The following CEP128 variants were observed in gnomAD, a reference collection of about 807,000 sequenced individuals.
The protein encoded by CEP128 is centrosomal protein 128kDa.
Under a neutral mutation model 156.7 loss-of-function variants are expected in CEP128, and 132 were observed. The ratio of observed to expected loss-of-function variants is 0.84; its 90% CI spans 0.73 to 0.97. The LOEUF (loss-of-function observed/expected upper bound fraction) is 0.97. Ranked by LOEUF, CEP128 falls within the 50% of genes least tolerant of loss-of-function variation. The pLI, the probability that CEP128 is intolerant of heterozygous loss-of-function variation, is 0.00. For synonymous variants in CEP128, 469 were observed against 448.9 expected (o/e 1.04, Z -0.57); for missense variants, 1,252 against 1,281.9 (o/e 0.98, Z 0.36).
intron 19 of CEP128, among the ~76,000 whole-genome samples, chr14:80,741,782 T>G: frequency 6.6e-6 from 1 of 152,300 alleles, no homozygotes; most frequent in East Asian, 1.9e-4. Flanking sequence ...TATTAACAAT[T>G]AACTTTGATG....
intron 19 of CEP128, among the ~76,000 whole-genome samples, chr14:80,626,073 G>A (rs1362517403): frequency 6.6e-6 from 1 of 152,138 alleles, no homozygotes; most frequent in Non-Finnish European, 1.5e-5. Context: ...AACTTTACAA[G>A]GCAAAAGAGA....
intron 19 of CEP128, among the ~76,000 whole-genome samples, chr14:80,700,092 G>GC (rs1897022261): frequency 6.6e-6 from 1 of 152,068 alleles, no homozygotes; most frequent in Non-Finnish European, 1.5e-5. Flanking sequence ...GGTATACGTG[G>GC]CTTTATCATT....
At chr14:80,946,394 T>TCA (rs1446132655), upstream of CEP128, among the ~76,000 whole-genome samples, 5 of 125,168 alleles carry the variant, frequency 4.0e-5, no homozygotes, top group African/African-American at 1.9e-4. Flanking sequence ...CTCATGATGA[T>TCA]TTCCCTTTTG....
upstream of CEP128, chr14:80,945,715 A>T (rs950680250): frequency 6.6e-6 from 1 of 152,264 alleles, no homozygotes; most frequent in African/African-American, 2.4e-5. Context: ...TGAGGCCGCC[A>T]TAGAGAGGTG....
chr14:80,769,493 G>T (rs1900409214), intron 16 of CEP128, among the ~76,000 whole-genome samples: 1 of 151,890 alleles, frequency 6.6e-6, no homozygotes, highest in Non-Finnish European at 1.5e-5. Context: ...ACCTATGAGT[G>T]AGAACATGCG....
chr14:80,582,846 G>A (rs1474842643), intron 19 of CEP128, among the ~76,000 whole-genome samples: 1 of 152,084 alleles, frequency 6.6e-6, no homozygotes, highest in Non-Finnish European at 1.5e-5. Context: ...TGGATATTAG[G>A]AGGTTCTCAG....
chr14:80,676,273 C>T (rs1302371240), intron 19 of CEP128, among the ~76,000 whole-genome samples: 2 of 151,988 alleles, frequency 1.3e-5, no homozygotes, highest in Non-Finnish European at 2.9e-5. Flanking sequence ...CATTACACAT[C>T]TTTTGGTAAA....
At chr14:80,828,215 C>A (rs1279983150) in intron 13 of CEP128, among the ~76,000 whole-genome samples, 3 of 151,400 alleles carry the variant, frequency 2.0e-5, no homozygotes, top group Non-Finnish European at 4.4e-5. Flanking sequence ...CCTCCGCCCC[C>A]AGGTTCAAGC....
chr14:80,483,010 C>T (rs186242161), intron 14 of CEP128, among the ~76,000 whole-genome samples: 2 of 152,154 alleles, frequency 1.3e-5, no homozygotes, highest in East Asian at 1.9e-4. Context: ...ATTGGCAGGT[C>T]GAGAAAGCTC....
chr14:80,485,716 A>G (rs1329087887), downstream of CEP128, among the ~76,000 whole-genome samples: 1 of 152,228 alleles, frequency 6.6e-6, no homozygotes, highest in African/African-American at 2.4e-5. Flanking sequence ...GAATGAATAA[A>G]TGGATAGATG....
At chr14:80,656,277 ATTTATATATATATT>A (rs549026848) in intron 19 of CEP128, among the ~76,000 whole-genome samples, 1,054 of 32,978 alleles carry the variant, frequency 0.032, 178 homozygotes, top group African/African-American at 0.035. Context: ...CTAAGTTTTT[ATTTATATATATATT>A]TATATATATA....
rs533949099 is a variant in CEP128 at position 80,814,528 on chromosome 14, A to T, written c.1209+16615T>A. Among the ~76,000 whole-genome samples the T allele has an allele frequency of 1.2e-4, 19 of 152,292 alleles. 2 individuals are homozygous for T. Among genetic ancestry groups the T allele is most frequent in the Admixed American group, 7.2e-4 (11 of 15,302 alleles). ...AAAAAAAGAAAAAATAATGTATTGTATCTGGAAACTGTCCTAAGGGCCAGG... is the reference window on the plus strand; with the variant it reads ...AAAAAAAGAAAAAATAATGTATTGTTTCTGGAAACTGTCCTAAGGGCCAGG... On this transcript the variant is annotated intron_variant, in intron 13 of 24. Transcript: ENST00000555265.
intron 18 of CEP128, among the ~76,000 whole-genome samples, chr14:80,744,487 T>C (rs906958175): frequency 6.6e-6 from 1 of 151,502 alleles, no homozygotes; most frequent in African/African-American, 2.5e-5. Context: ...GTGCTAAAAA[T>C]ATTGTTTTTA....
chr14:80,690,810 T>A (rs527693998), intron 19 of CEP128, among the ~76,000 whole-genome samples: 12 of 152,174 alleles, frequency 7.9e-5, no homozygotes, highest in Non-Finnish European at 1.5e-4. Context: ...TCATTATATA[T>A]GAAAAATCCT....
chr14:80,497,691 T>A, intron 24 of CEP128, 109 bp from the exon 25 acceptor site: 2 of 694,156 alleles, frequency 2.9e-6, no homozygotes, highest in Non-Finnish European at 4.9e-6. Context: ...TGATCGAGTT[T>A]TCTATAATTA....
Position 80,674,825 on chromosome 14 carries a change from A to G in CEP128, c.2806+68250T>C, listed in dbSNP as rs150763766. Among the ~76,000 whole-genome samples the G allele has an allele frequency of 3.4e-3, 515 of 152,212 alleles. 1 individual carries two copies. The highest frequency in any genetic ancestry group is 0.012 in the African/African-American group (493 of 41,572). ...GTTACAAATGGCTTAACCACTAGAG[A>G]TCTTAATTCATATTTTTCTCTATAA... On this transcript the variant is annotated intron_variant, in intron 19 of 24. Transcript: ENST00000555265.
At chr14:80,821,694 G>T (rs1885194365) in intron 13 of CEP128, among the ~76,000 whole-genome samples, 1 of 148,546 alleles carries the variant, frequency 6.7e-6, no homozygotes, top group African/African-American at 2.5e-5. Flanking sequence ...TTTTTTTTAA[G>T]AGATGAAGTC....
At chr14:80,566,875 T>G (rs1595015948) in intron 20 of CEP128, among the ~76,000 whole-genome samples, 1 of 149,992 alleles carries the variant, frequency 6.7e-6, no homozygotes, top group African/African-American at 2.5e-5. Context: ...CAGCGAGGCT[T>G]AAAGATTTTG....
rs75121785 is a variant in CEP128 at position 80,669,381 on chromosome 14, C to A, written c.2806+73694G>T. 7.6e-3 allele frequency among the ~76,000 whole-genome samples: 1,151 copies of A among 151,990 alleles called. 50 individuals carry two copies. Among genetic ancestry groups the A allele is most frequent in the East Asian group, 0.071 (366 of 5,174 alleles). On this transcript the variant is annotated intron_variant, in intron 19 of 24. Coordinates refer to ENST00000555265, the MANE Select transcript of CEP128 (RefSeq NM_152446.5). ...ATCAAAATAGTAAGTAGACAACCTGCAGAATGGGAGAAAATACCTGTAAAC... is the reference window on the plus strand; with the variant it reads ...ATCAAAATAGTAAGTAGACAACCTGAAGAATGGGAGAAAATACCTGTAAAC...
Sources: gnomAD v4.1 joint callset for allele counts (sites outside exome capture counted in the v4.1 genomes callset) on GRCh38, gnomAD v4.1.1 for gene constraint, MANE v1.5 for transcripts, NCBI Gene and HGNC (gene_info 2026-07-23, HGNC 2026-07-21) for gene names.